Variants in NBEA observed in about 807,000 individuals in gnomAD.
NBEA encodes neurobeachin, also known as lysosomal-trafficking regulator 2.
A neutral mutation model predicts 343.4 loss-of-function variants in NBEA; 44 were observed. The ratio of observed to expected loss-of-function variants is 0.13; its 90% CI spans 0.10 to 0.16. NBEA has a LOEUF of 0.16. NBEA is among the 10% of genes least tolerant of loss of function. The pLI is 1.00. For missense variants in NBEA, 2,555 were observed against 3,631.3 expected, an observed-to-expected ratio of 0.70 and a Z score of 7.62; for synonymous variants, 1,175 against 1,238.7, an observed-to-expected ratio of 0.95 and a Z score of 1.08.
chr13:35,137,688 GT>G (rs1203049299), intron 17 of NBEA, among the ~76,000 whole-genome samples: 1 of 151,472 alleles, frequency 6.6e-6, no homozygotes, highest in Non-Finnish European at 1.5e-5. Context: ...AATGTTTATT[GT>G]TATTTATTGT....
At chr13:34,982,326 C>T (rs2060384525) in intron 1 of NBEA, among the ~76,000 whole-genome samples, 1 of 151,664 alleles carries the variant, frequency 6.6e-6, no homozygotes, top group African/African-American at 2.4e-5. Context: ...GATGAAGTCT[C>T]TCTCTGTTGC....
chr13:35,003,938 C>T (rs892229661), intron 1 of NBEA, among the ~76,000 whole-genome samples: 1 of 152,132 alleles, frequency 6.6e-6, no homozygotes, highest in African/African-American at 2.4e-5. Flanking sequence ...CTCCCTCCTC[C>T]CACCCTACCC....
chr13:35,308,451 T>TAC (rs1452956219), intron 35 of NBEA, among the ~76,000 whole-genome samples: 3,118 of 116,448 alleles, frequency 0.027, 127 homozygotes, highest in Non-Finnish European at 0.038. Context: ...TATATATATA[T>TAC]ATATATATAT....
At chr13:35,362,563 C>G (rs914684948) in intron 38 of NBEA, among the ~76,000 whole-genome samples, 1 of 151,852 alleles carries the variant, frequency 6.6e-6, no homozygotes, top group African/African-American at 2.4e-5. Flanking sequence ...AACAGTCTAC[C>G]AATTGTGATC....
chr13:35,228,569 G>C (rs2074795972), intron 33 of NBEA, among the ~76,000 whole-genome samples: 1 of 151,936 alleles, frequency 6.6e-6, no homozygotes, highest in African/African-American at 2.4e-5. Flanking sequence ...AGCCTCCAGT[G>C]TCTATCATTC....
At chr13:35,248,624 AAAG>A (rs1405567024) in intron 34 of NBEA, among the ~76,000 whole-genome samples, 1 of 150,174 alleles carries the variant, frequency 6.7e-6, no homozygotes, top group East Asian at 1.9e-4. Context: ...ACAAACAAAA[AAAG>A]CCAGCCCTTA....
chr13:35,276,005 TA>T (rs201907979), intron 34 of NBEA, among the ~76,000 whole-genome samples: 1,854 of 152,012 alleles, frequency 0.012, 15 homozygotes, highest in Middle Eastern at 0.034. Flanking sequence ...TATAATAATT[TA>T]AAAAAAGAAG....
intron 45 of NBEA, among the ~76,000 whole-genome samples, chr13:35,580,091 TTATAA>T (rs143948869): frequency 2.5e-4 from 38 of 152,222 alleles, no homozygotes; most frequent in African/African-American, 8.2e-4. Flanking sequence ...AAAAACTGAA[TTATAA>T]TAATAAAGTT....
chr13:35,124,250 CTTGT>C lies in NBEA; in HGVS notation c.2336+679_2336+682del, dbSNP rs1252148257. On this transcript the variant is annotated intron_variant, in intron 17 of 58. Transcript: ENST00000379939. ...TTCCTATCAGAACCTCATTTTCGCC[CTTGT>C]TTTTTTTTTTTTTTGGTGCTTACTT... Among the ~76,000 whole-genome samples, 4 of 144,978 alleles carry C rather than the reference CTTGT, an allele frequency of 2.8e-5. 1 individual carries two copies. The highest frequency in any genetic ancestry group is 6.0e-5 in the Non-Finnish European group (4 of 66,218).
chr13:35,252,427 C>T (rs543994062), intron 34 of NBEA, among the ~76,000 whole-genome samples: 38 of 152,250 alleles, frequency 2.5e-4, no homozygotes, highest in African/African-American at 8.4e-4. Context: ...TATCAACTCC[C>T]CTGCCAAAAA....
chr13:35,636,021 C>T (rs531529436), intron 49 of NBEA, among the ~76,000 whole-genome samples: 1 of 152,308 alleles, frequency 6.6e-6, no homozygotes, highest in African/African-American at 2.4e-5. Context: ...AGTACTTTCA[C>T]AAGCATCTAA....
At chr13:35,233,872 G>T (rs1449046124) in intron 34 of NBEA, among the ~76,000 whole-genome samples, 1 of 152,138 alleles carries the variant, frequency 6.6e-6, no homozygotes, top group East Asian at 1.9e-4. Flanking sequence ...GAATGACAAG[G>T]TTAGGCTGAA....
intron 36 of NBEA, among the ~76,000 whole-genome samples, chr13:35,347,807 T>C (rs555958682): frequency 2.0e-5 from 3 of 152,150 alleles, no homozygotes; most frequent in Non-Finnish European, 2.9e-5. Flanking sequence ...TCTGGCTCCA[T>C]GTGGAGTTGC....
chr13:34,971,217 A>G (rs1199020681), intron 1 of NBEA, among the ~76,000 whole-genome samples: 3 of 151,952 alleles, frequency 2.0e-5, no homozygotes, highest in Non-Finnish European at 4.4e-5. Context: ...ATTTTTGTAC[A>G]TTTATTTTGT....
chr13:35,461,796 T>C lies in NBEA; in HGVS notation c.6448+9561T>C, dbSNP rs142897629. ...AGTGCTATACAGAAGGATCAATAAGTCTTTCTGCATACTGAAAATATTTTG... is the reference window on the plus strand; with the variant it reads ...AGTGCTATACAGAAGGATCAATAAGCCTTTCTGCATACTGAAAATATTTTG... On this transcript the variant is annotated intron_variant, in intron 40 of 58. Transcript: ENST00000379939. Among the ~76,000 whole-genome samples the C allele has an allele frequency of 3.3e-3, 510 of 152,326 alleles. 13 individuals are homozygous for C. The highest frequency in any genetic ancestry group is 0.029 in the Admixed American group (450 of 15,298).
At chr13:35,449,599 TCTGTTTGCCAAG>T (rs1341092401) in intron 39 of NBEA, among the ~76,000 whole-genome samples, 2 of 152,204 alleles carry the variant, frequency 1.3e-5, no homozygotes, top group Non-Finnish European at 2.9e-5. Context: ...GCTCTATATT[TCTGTTTGCCAAG>T]AAGCAAACAA....
chr13:35,032,756 G>C (rs2062282292), intron 1 of NBEA, among the ~76,000 whole-genome samples: 1 of 151,706 alleles, frequency 6.6e-6, no homozygotes, highest in Non-Finnish European at 1.5e-5. Context: ...CTGATGATCA[G>C]TGATGTTGAG....
intron 1 of NBEA, among the ~76,000 whole-genome samples, chr13:35,014,918 C>T (rs1195645973): frequency 6.6e-6 from 1 of 151,856 alleles, no homozygotes; most frequent in Non-Finnish European, 1.5e-5. Context: ...GCTTCAGGCT[C>T]ATCTGCAAGA....
intron 4 of NBEA, among the ~76,000 whole-genome samples, chr13:35,048,127 T>C (rs185593407): frequency 6.6e-6 from 1 of 152,048 alleles, no homozygotes; most frequent in East Asian, 1.9e-4. Context: ...TCTTCAATAT[T>C]GATTCCATTA....
Sources: gnomAD v4.1 joint callset for allele counts (sites outside exome capture counted in the v4.1 genomes callset) on GRCh38, gnomAD v4.1.1 for gene constraint, MANE v1.5 for transcripts, NCBI Gene and HGNC (gene_info 2026-07-23, HGNC 2026-07-21) for gene names.